The following DIAPH2 variants were observed in gnomAD, a reference collection of about 807,000 sequenced individuals.
DIAPH2 encodes protein diaphanous homolog 2.
In DIAPH2, 35 loss-of-function variants were observed where a neutral mutation model predicts 92.7. The ratio of observed to expected loss-of-function variants is 0.38; its 90% CI spans 0.29 to 0.50. DIAPH2 has a LOEUF of 0.50. Among genes scored for constraint, DIAPH2 ranks in the 20% least tolerant of loss-of-function variants. The pLI is 0.94. For missense variants in DIAPH2, 701 were observed against 819.5 expected (o/e 0.86, Z 1.77); for synonymous variants, 301 against 280.4 (o/e 1.07, Z -0.73).
intron 22 of DIAPH2, among the ~76,000 whole-genome samples, chrX:97,149,406 GT>G (rs769967303): frequency 1.1e-4 from 12 of 111,018 alleles, no homozygotes; most frequent in Non-Finnish European, 2.3e-4. Context: ...ATGTTAACTT[GT>G]TTGTTCAGCT....
chrX:97,234,486 C>G (rs1424485342), intron 22 of DIAPH2, among the ~76,000 whole-genome samples: 1 of 111,173 alleles, frequency 9.0e-6, no homozygotes, highest in African/African-American at 3.3e-5. Flanking sequence ...TTTTGTTAAT[C>G]TAGAACATGG....
chrX:97,300,504 G>C (rs898669053), intron 23 of DIAPH2, among the ~76,000 whole-genome samples: 1 of 108,857 alleles, frequency 9.2e-6, no homozygotes, highest in Non-Finnish European at 1.9e-5. Context: ...GTTATATATA[G>C]ATGGAACAAT....
At chrX:96,779,565 T>C (rs902341913) in intron 4 of DIAPH2, among the ~76,000 whole-genome samples, 1 of 112,243 alleles carries the variant, frequency 8.9e-6, no homozygotes, top group African/African-American at 3.2e-5. Context: ...TCTTAAACAT[T>C]AAAATCTACT....
Position 97,106,434 on chromosome X carries a change from T to G in DIAPH2, c.2349+6639T>G, listed in dbSNP as rs180967818. On this transcript the variant is annotated intron_variant, in intron 20 of 26. Transcript: ENST00000324765. ...TACTAACTTCTTATAATCATTTTTT[T>G]GTGACAGAATTTCTTATTTCCATCA... Among the ~76,000 whole-genome samples, 594 of 111,954 alleles carry G rather than the reference T, an allele frequency of 5.3e-3. 2 individuals carry two copies. Among genetic ancestry groups the G allele is most frequent in the Middle Eastern group, 0.014 (3 of 214 alleles).
intron 1 of DIAPH2, among the ~76,000 whole-genome samples, chrX:96,735,278 A>G (rs2064079699): frequency 1.8e-5 from 2 of 112,256 alleles, no homozygotes; most frequent in African/African-American, 6.4e-5. Flanking sequence ...TATTTATAAA[A>G]GTGTCCTTTA....
chrX:96,815,314 G>T (rs1213010244), intron 4 of DIAPH2, among the ~76,000 whole-genome samples: 1 of 112,127 alleles, frequency 8.9e-6, no homozygotes, highest in African/African-American at 3.2e-5. Flanking sequence ...AGGCTCCATG[G>T]ACGTGGGACC....
chrX:97,286,041 CTTT>C (rs756488579), intron 23 of DIAPH2, among the ~76,000 whole-genome samples: 3 of 91,552 alleles, frequency 3.3e-5, no homozygotes, highest in Non-Finnish European at 4.3e-5. Context: ...AGCCCAGAAA[CTTT>C]TTTTTTTTTT....
At chrX:97,028,251 T>C (rs2066348396) in intron 17 of DIAPH2, among the ~76,000 whole-genome samples, 1 of 111,303 alleles carries the variant, frequency 9.0e-6, no homozygotes, top group Admixed American at 9.5e-5. Flanking sequence ...TCCAGCCCTT[T>C]CATTGACCCC....
intron 26 of DIAPH2, among the ~76,000 whole-genome samples, chrX:97,467,654 A>G (rs1205003556): frequency 8.9e-6 from 1 of 112,029 alleles, no homozygotes; most frequent in East Asian, 2.8e-4. Context: ...AAAAACTTTA[A>G]AATATTTTTC....
chrX:96,725,273 A>G (rs770944679), intron 1 of DIAPH2, among the ~76,000 whole-genome samples: 2 of 112,124 alleles, frequency 1.8e-5, no homozygotes, highest in East Asian at 5.5e-4. Flanking sequence ...CCAAATTAAA[A>G]CTAAGTAAAA....
At chrX:97,553,481 A>G (rs925778742) in intron 26 of DIAPH2, among the ~76,000 whole-genome samples, 1 of 110,739 alleles carries the variant, frequency 9.0e-6, no homozygotes, top group African/African-American at 3.3e-5. Context: ...AACATAATGG[A>G]TGTTTTACTG....
intron 26 of DIAPH2, among the ~76,000 whole-genome samples, chrX:97,597,506 G>T (rs957972838): frequency 7.2e-5 from 8 of 111,211 alleles, no homozygotes; most frequent in Admixed American, 1.9e-4. Context: ...GAAGTGAAGT[G>T]TGGATGCCTG....
chrX:97,416,645 G>A (rs1406311732), intron 25 of DIAPH2, among the ~76,000 whole-genome samples: 1 of 111,700 alleles, frequency 9.0e-6, no homozygotes, highest in African/African-American at 3.3e-5. Flanking sequence ...GAGTCACTAG[G>A]ACTATTGTGC....
chrX:97,152,502 T>G (rs1047050819), intron 22 of DIAPH2, among the ~76,000 whole-genome samples: 1 of 111,815 alleles, frequency 8.9e-6, no homozygotes, highest in Non-Finnish European at 1.9e-5. Flanking sequence ...AGAAAAAAAT[T>G]TATTTCTTAC....
At chrX:97,238,886 G>A (rs1403690295) in intron 22 of DIAPH2, among the ~76,000 whole-genome samples, 2 of 111,259 alleles carry the variant, frequency 1.8e-5, no homozygotes, top group Non-Finnish European at 3.8e-5. Context: ...ATGCCGTTCC[G>A]CTGATAGTAA....
chrX:97,313,577 A>C (rs1315654482), intron 23 of DIAPH2, among the ~76,000 whole-genome samples: 4 of 111,535 alleles, frequency 3.6e-5, no homozygotes, highest in Non-Finnish European at 7.5e-5. Context: ...ATTTGGAAAG[A>C]TTGTCTTTAT....
intron 5 of DIAPH2, among the ~76,000 whole-genome samples, chrX:96,892,757 G>C (rs779851022): frequency 3.3e-4 from 37 of 111,751 alleles, no homozygotes; most frequent in Non-Finnish European, 3.2e-4. Flanking sequence ...AGTGGTTCTT[G>C]TGTTGGATTT....
chrX:97,384,343 G>A (rs988748968), intron 25 of DIAPH2, among the ~76,000 whole-genome samples: 1 of 111,693 alleles, frequency 9.0e-6, no homozygotes, highest in Non-Finnish European at 1.9e-5. Context: ...TGGGTGAGAT[G>A]AAATGTGAAA....
intron 5 of DIAPH2, among the ~76,000 whole-genome samples, chrX:96,900,936 G>A (rs2065389277): frequency 2.7e-5 from 3 of 111,311 alleles, no homozygotes; most frequent in African/African-American, 9.8e-5. Context: ...TTTTTGTTAC[G>A]TCCTTTCCTA....
Sources: gnomAD v4.1 joint callset for allele counts (sites outside exome capture counted in the v4.1 genomes callset) on GRCh38, gnomAD v4.1.1 for gene constraint, MANE v1.5 for transcripts, NCBI Gene and HGNC (gene_info 2026-07-23, HGNC 2026-07-21) for gene names.